CSGALNACT1: variants seen among roughly 807,000 people sequenced by gnomAD.
CSGALNACT1 encodes the protein beta4GalNAcT-1.
A neutral mutation model predicts 51.0 loss-of-function variants in CSGALNACT1; 52 were observed. The observed-to-expected ratio is 1.02, with a 90% CI of 0.82 to 1.29. The LOEUF (loss-of-function observed/expected upper bound fraction) is 1.29. CSGALNACT1 is among the 50% of genes most tolerant of loss of function. The pLI, the probability that CSGALNACT1 is intolerant of heterozygous loss-of-function variation, is 0.00. For synonymous variants in CSGALNACT1, 341 were observed against 254.4 expected, an observed-to-expected ratio of 1.34 and a Z score of -3.24; for missense variants, 935 against 679.2, an observed-to-expected ratio of 1.38 and a Z score of -4.19.
intron 1 of CSGALNACT1, among the ~76,000 whole-genome samples, chr8:19,742,619 T>A (rs760990810): frequency 1.6e-4 from 24 of 152,222 alleles, no homozygotes; most frequent in Non-Finnish European, 3.2e-4. Flanking sequence ...CCCTGGGAAT[T>A]TTCATCATTG....
At chr8:19,508,186 G>T (rs2077741893) in intron 3 of CSGALNACT1, among the ~76,000 whole-genome samples, 1 of 152,206 alleles carries the variant, frequency 6.6e-6, no homozygotes, top group South Asian at 2.1e-4. Flanking sequence ...TGGGAGAAAA[G>T]AGAGAGATGT....
At chr8:19,723,559 G>A (rs769771811) in intron 1 of CSGALNACT1, among the ~76,000 whole-genome samples, 5 of 152,214 alleles carry the variant, frequency 3.3e-5, no homozygotes, top group African/African-American at 7.2e-5. Context: ...ACTAAGGAAC[G>A]GAAGTTGCTG....
chr8:19,514,475 C>CTG (rs1563839638), intron 3 of CSGALNACT1, among the ~76,000 whole-genome samples: 1 of 78,782 alleles, frequency 1.3e-5, no homozygotes, highest in African/African-American at 6.0e-5. Flanking sequence ...TGAACAGAGA[C>CTG]TATATATATA....
intron 7 of CSGALNACT1, 50 bp downstream of exon 6, chr8:19,420,290 G>A: frequency 6.4e-7 from 1 of 1,565,212 alleles, no homozygotes; most frequent in Admixed American, 1.7e-5. Flanking sequence ...CGACACATGG[G>A]CCCGAGAGGG....
chr8:19,482,130 T>C (rs79810028), intron 4 of CSGALNACT1, among the ~76,000 whole-genome samples: 326 of 152,204 alleles, frequency 2.1e-3, no homozygotes, highest in African/African-American at 7.8e-3. Flanking sequence ...TCCTACCATT[T>C]CCTTCCTCTC....
intron 1 of CSGALNACT1, chr8:19,641,802 T>C (rs951647803): frequency 6.6e-6 from 1 of 152,182 alleles, no homozygotes. Context: ...GACCCCCAAA[T>C]GCCTTCTGGT....
intron 3 of CSGALNACT1, among the ~76,000 whole-genome samples, chr8:19,540,524 C>A (rs1305116345): frequency 1.3e-5 from 2 of 152,196 alleles, no homozygotes; most frequent in Non-Finnish European, 2.9e-5. Context: ...GGGATTATAA[C>A]TTAGCAGAGA....
At chr8:19,432,981 T>C (rs187702992) in intron 6 of CSGALNACT1, among the ~76,000 whole-genome samples, 64 of 152,290 alleles carry the variant, frequency 4.2e-4, no homozygotes, top group African/African-American at 1.5e-3. Context: ...GCATGAGCCT[T>C]AGTTTCTTCA....
chr8:19,697,373 A>C (rs2061637181), intron 1 of CSGALNACT1, among the ~76,000 whole-genome samples: 1 of 152,096 alleles, frequency 6.6e-6, no homozygotes, highest in Admixed American at 6.5e-5. Context: ...GATGATGAAC[A>C]GTGGGGTTGA....
At chr8:19,558,270 A>T (rs1280169497) in intron 3 of CSGALNACT1, among the ~76,000 whole-genome samples, 2 of 152,136 alleles carry the variant, frequency 1.3e-5, no homozygotes, top group African/African-American at 2.4e-5. Flanking sequence ...TTTTTTGTGG[A>T]TTCATGGCTC....
intron 1 of CSGALNACT1, among the ~76,000 whole-genome samples, chr8:19,723,670 G>A (rs1589702488): frequency 6.6e-6 from 1 of 152,172 alleles, no homozygotes; most frequent in Non-Finnish European, 1.5e-5. Flanking sequence ...TCCCACACTA[G>A]GATGTACTTT....
rs539825429 is a variant in CSGALNACT1 at position 19,533,334 on chromosome 8, C to G, written c.-296-27204G>C. On this transcript the variant is annotated intron_variant, in intron 3 of 9. Coordinates refer to ENST00000454498, the Ensembl canonical transcript of CSGALNACT1. ...ATGGGGTCTTGCTATGTTGCCCAGG[C>G]TGGTCTCAAACTCCTGGCCTCAAGT... is the stretch of plus-strand genomic sequence containing the variant. Among the ~76,000 whole-genome samples, 327 of 152,208 alleles carry G rather than the reference C, an allele frequency of 2.1e-3. 3 individuals are homozygous for G. The highest frequency in any genetic ancestry group is 7.6e-3 in the African/African-American group (317 of 41,536).
intron 5 of CSGALNACT1, among the ~76,000 whole-genome samples, chr8:19,451,890 G>C (rs983606986): frequency 3.3e-5 from 5 of 152,220 alleles, no homozygotes; most frequent in Admixed American, 6.5e-5. Context: ...AGATACTAAA[G>C]CTGAGATATA....
intron 1 of CSGALNACT1, among the ~76,000 whole-genome samples, chr8:19,621,319 T>C (rs2053797923): frequency 6.6e-6 from 1 of 152,178 alleles, no homozygotes. Flanking sequence ...ACAAGTTTAT[T>C]ATAAATTTTA....
chr8:19,508,227 C>T (rs192636663), intron 3 of CSGALNACT1, among the ~76,000 whole-genome samples: 1 of 152,298 alleles, frequency 6.6e-6, no homozygotes, highest in East Asian at 1.9e-4. Flanking sequence ...TAACAACCTC[C>T]TTTACTTGAA....
At chr8:19,459,891 A>C (rs1563516333) in intron 4 of CSGALNACT1, among the ~76,000 whole-genome samples, 1 of 152,154 alleles carries the variant, frequency 6.6e-6, no homozygotes, top group Non-Finnish European at 1.5e-5. Context: ...GTCTCATCCC[A>C]TGTCACTGTG....
intron 5 of CSGALNACT1, among the ~76,000 whole-genome samples, chr8:19,440,351 T>C (rs2061114484): frequency 6.6e-6 from 1 of 151,864 alleles, no homozygotes; most frequent in Non-Finnish European, 1.5e-5. Flanking sequence ...CAGCAGCACA[T>C]CAAAAAGCTT....
chr8:19,667,012 A>G (rs185030391), intron 1 of CSGALNACT1, among the ~76,000 whole-genome samples: 9,484 of 32,122 alleles, frequency 0.3, 1,181 homozygotes, highest in Middle Eastern at 0.38. Context: ...AGAAAGAAAG[A>G]AAGAAAGGAA....
chr8:19,428,839 G>A (rs375171889), intron 6 of CSGALNACT1, among the ~76,000 whole-genome samples: 20,530 of 129,434 alleles, frequency 0.16, 1,857 homozygotes, highest in Middle Eastern at 0.33. Context: ...GTGTGTGTGT[G>A]TGTGTGTGTG....
Sources: gnomAD v4.1 joint callset for allele counts (sites outside exome capture counted in the v4.1 genomes callset) on GRCh38, gnomAD v4.1.1 for gene constraint, MANE v1.5 for transcripts, NCBI Gene and HGNC (gene_info 2026-07-23, HGNC 2026-07-21) for gene names.